ZNF124: variants seen among roughly 807,000 people sequenced by gnomAD.
ZNF124 encodes zinc finger protein HZF-16.
A neutral mutation model predicts 26.6 loss-of-function variants in ZNF124; 25 were observed. That is an observed-to-expected ratio of 0.94 (90% confidence interval 0.68 to 1.31). ZNF124 has a LOEUF of 1.31. Ranked by LOEUF, ZNF124 falls within the 40% of genes most tolerant of loss-of-function variation. The pLI is 0.00. For synonymous variants in ZNF124, 129 were observed against 133.3 expected (o/e 0.97, Z 0.22); for missense variants, 444 against 422.2 (o/e 1.05, Z -0.45).
chr1:247,149,494 C>T (rs145401535), intron 3 of ZNF124, among the ~76,000 whole-genome samples: 15 of 152,178 alleles, frequency 9.9e-5, no homozygotes, highest in Non-Finnish European at 1.9e-4. Flanking sequence ...GATACACACA[C>T]GCAATGAAAT....
chr1:247,128,934 T>C (rs561375498), intron 3 of ZNF124, among the ~76,000 whole-genome samples: 67 of 109,254 alleles, frequency 6.1e-4, no homozygotes, highest in African/African-American at 2.3e-3. Context: ...CATTGAGTAC[T>C]TCCCCCAGCA....
chr1:247,137,742 G>C (rs999204454), intron 3 of ZNF124, among the ~76,000 whole-genome samples: 4 of 151,874 alleles, frequency 2.6e-5, no homozygotes, highest in African/African-American at 4.8e-5. Context: ...GAATTTACAA[G>C]GAACTTAAAT....
intron 1 of ZNF124, among the ~76,000 whole-genome samples, chr1:247,162,734 C>A (rs1673555500): frequency 6.6e-6 from 1 of 151,782 alleles, no homozygotes; most frequent in Non-Finnish European, 1.5e-5. Context: ...ATCCAACAAG[C>A]AGACCTAACT....
At chr1:247,130,055 A>G (rs912925162) in intron 3 of ZNF124, among the ~76,000 whole-genome samples, 26 of 152,256 alleles carry the variant, frequency 1.7e-4, no homozygotes, top group Middle Eastern at 3.4e-3. Context: ...TGAGTCAGCC[A>G]TGTCCGTGCT....
At chr1:247,144,880 A>G (rs1035977572) in intron 3 of ZNF124, among the ~76,000 whole-genome samples, 9 of 151,878 alleles carry the variant, frequency 5.9e-5, no homozygotes, top group African/African-American at 2.2e-4. Flanking sequence ...GGTTCAAGCA[A>G]TTCTCCTGCC....
At chr1:247,141,601 C>G (rs1277224918) in intron 3 of ZNF124, among the ~76,000 whole-genome samples, 4 of 152,140 alleles carry the variant, frequency 2.6e-5, no homozygotes, top group Non-Finnish European at 5.9e-5. Context: ...GGCAGAGGGG[C>G]TGTCATATGC....
intron 1 of ZNF124, among the ~76,000 whole-genome samples, chr1:247,163,978 C>T (rs1673639752): frequency 6.6e-6 from 1 of 152,016 alleles, no homozygotes; most frequent in Admixed American, 6.6e-5. Context: ...TTGGATGTAA[C>T]ATTTCAATAT....
intron 3 of ZNF124, among the ~76,000 whole-genome samples, chr1:247,127,485 C>G (rs1672235116): frequency 9.3e-6 from 1 of 107,992 alleles, no homozygotes; most frequent in Non-Finnish European, 2.0e-5. Context: ...GTCTTATGCC[C>G]AATTTCTGCC....
intron 1 of ZNF124, among the ~76,000 whole-genome samples, chr1:247,165,703 TA>T (rs914721161): frequency 6.6e-6 from 1 of 151,988 alleles, no homozygotes; most frequent in African/African-American, 2.4e-5. Flanking sequence ...GAAACTTAAA[TA>T]AATTAACAAG....
intron 3 of ZNF124, among the ~76,000 whole-genome samples, chr1:247,142,935 G>T (rs977145794): frequency 6.6e-6 from 1 of 150,402 alleles, no homozygotes; most frequent in African/African-American, 2.4e-5. Context: ...GTAGAAAAAA[G>T]AAAATTATTT....
At chr1:247,134,216 A>G (rs1006697775) in intron 3 of ZNF124, among the ~76,000 whole-genome samples, 1 of 152,166 alleles carries the variant, frequency 6.6e-6, no homozygotes, top group Non-Finnish European at 1.5e-5. Context: ...AAATAACAAA[A>G]TAGCATCACG....
chr1:247,156,783 T>A lies in ZNF124; in HGVS notation c.839A>T (p.His280Leu). 6.2e-7 allele frequency: 1 copy of A among 1,613,414 alleles called. No individual in the cohort carries two copies. Residue 280 changes from histidine to leucine, a missense_variant, in exon 4 of 4, where the codon CAC becomes CTC. Coordinates refer to ENST00000543802, the MANE Select transcript of ZNF124 (RefSeq NM_001297568.2). The part of the protein sequence containing the change: ...AFRYASSLQK[H>L]EKTHIAQKPY... ...TTTCTGTGCAATATGAGTTTTCTCGTGTTTCTGAAGGGAACTGGCGTATCT... is the reference window on the plus strand; with the variant it reads ...TTTCTGTGCAATATGAGTTTTCTCGAGTTTCTGAAGGGAACTGGCGTATCT...
At chr1:247,133,510 T>C (rs544976424) in intron 3 of ZNF124, among the ~76,000 whole-genome samples, 3 of 152,014 alleles carry the variant, frequency 2.0e-5, no homozygotes, top group South Asian at 2.1e-4. Context: ...AAGGTCAAAA[T>C]GAAGGAAATA....
At chr1:247,145,820 G>C (rs924983052) in intron 3 of ZNF124, among the ~76,000 whole-genome samples, 1 of 151,870 alleles carries the variant, frequency 6.6e-6, no homozygotes, top group Non-Finnish European at 1.5e-5. Flanking sequence ...GAAGAGACAG[G>C]GTTTCACCAT....
At chr1:247,133,134 A>C (rs143840106) in intron 3 of ZNF124, among the ~76,000 whole-genome samples, 2 of 152,184 alleles carry the variant, frequency 1.3e-5, no homozygotes, top group African/African-American at 4.8e-5. Flanking sequence ...GAATTGACCA[A>C]GTGGAAGAAA....
chr1:247,122,490 C>T (rs1400898618), exon 4 of ZNF124: 2 of 152,308 alleles, frequency 1.3e-5, no homozygotes, highest in Non-Finnish European at 2.9e-5. Flanking sequence ...GATAAATGCC[C>T]ATCAACAGTG....
intron 1 of ZNF124, among the ~76,000 whole-genome samples, chr1:247,160,019 C>G (rs1314611277): frequency 7.8e-6 from 1 of 128,002 alleles, no homozygotes; most frequent in Non-Finnish European, 1.6e-5. Flanking sequence ...CGGAGTCTCA[C>G]TCTGTTGCCA....
downstream of ZNF124, among the ~76,000 whole-genome samples, chr1:247,151,800 C>G (rs1389352406): frequency 6.7e-6 from 1 of 150,188 alleles, no homozygotes. Flanking sequence ...GATATTCACA[C>G]AACAGAATTC....
At position 247,156,555 on chromosome 1, in the gene ZNF124, G is replaced by A; in HGVS notation, c.*11C>T. The A allele has an allele frequency of 6.6e-7, 1 of 1,522,096 alleles. No homozygotes were observed. Among genetic ancestry groups the A allele is most frequent in the Non-Finnish European group, 8.8e-7 (1 of 1,140,928 alleles). 94.3% of individuals were successfully genotyped at this position (1,522,096 alleles called of 1,614,324 possible). ...TCATGTTTTTGACAAAAACTGTAGT[G>A]ATTAAAGCCTTTACATTTTTTTACA... On this transcript the variant is annotated 3_prime_UTR_variant, in exon 4 of 4. Transcript: ENST00000543802.
Sources: gnomAD v4.1 joint callset for allele counts (sites outside exome capture counted in the v4.1 genomes callset) on GRCh38, gnomAD v4.1.1 for gene constraint, MANE v1.5 for transcripts, NCBI Gene and HGNC (gene_info 2026-07-23, HGNC 2026-07-21) for gene names.